The following HHIP variants were observed in gnomAD, a reference collection of about 807,000 sequenced individuals.
The protein encoded by HHIP is hedgehog-interacting protein.
Under a neutral mutation model 74.0 loss-of-function variants are expected in HHIP, and 12 were observed. That is an observed-to-expected ratio of 0.16 (90% CI 0.10 to 0.26). The LOEUF (loss-of-function observed/expected upper bound fraction) is 0.26, where lower values mean the gene tolerates loss of function less well. HHIP is among the 10% of genes least tolerant of loss of function. HHIP has a pLI of 1.00. For synonymous variants in HHIP, 309 were observed against 311.6 expected (o/e 0.99, Z 0.09); for missense variants, 788 against 845.0 (o/e 0.93, Z 0.84).
At chr4:144,673,478 G>T (rs960694353) in intron 4 of HHIP, among the ~76,000 whole-genome samples, 4 of 152,106 alleles carry the variant, frequency 2.6e-5, no homozygotes, top group Non-Finnish European at 5.9e-5. Context: ...TCATGAAAAT[G>T]GTAACCACAA....
In HHIP at chr4:144,646,593, G is replaced by A; in HGVS notation, c.-83G>A. The A allele has an allele frequency of 6.9e-7, 1 of 1,438,882 alleles. No individual in the cohort carries two copies. Among genetic ancestry groups the A allele is most frequent in the Non-Finnish European group, 9.5e-7 (1 of 1,055,846 alleles). 89.1% of individuals were successfully genotyped at this position (1,438,882 alleles called of 1,614,324 possible). On this transcript the variant is annotated 5_prime_UTR_variant, in exon 1 of 13. Coordinates refer to ENST00000296575, the MANE Select transcript of HHIP (RefSeq NM_022475.3). ...CCCTACAGCCCCGCAAACTCCTCCT[G>A]GAGCTGCGCCCTAGTGCCCCTGCTG...
At chr4:144,680,465 G>A (rs1263081514) in intron 4 of HHIP, among the ~76,000 whole-genome samples, 2 of 152,150 alleles carry the variant, frequency 1.3e-5, no homozygotes, top group Non-Finnish European at 2.9e-5. Context: ...CCAGAAGACA[G>A]TTACAAAGCT....
At chr4:144,676,038 C>A (rs77420868) in intron 4 of HHIP, among the ~76,000 whole-genome samples, 4 of 151,980 alleles carry the variant, frequency 2.6e-5, no homozygotes, top group Non-Finnish European at 5.9e-5. Flanking sequence ...CAAGAGTGTA[C>A]GTAAACAAGA....
chr4:144,684,293 T>C (rs149209911), intron 4 of HHIP, among the ~76,000 whole-genome samples: 5 of 111,286 alleles, frequency 4.5e-5, no homozygotes, highest in Admixed American at 1.2e-4. Flanking sequence ...GAGTCTCGCT[T>C]TGTCACCCAG....
At chr4:144,712,775 A>C (rs1022011750) in intron 8 of HHIP, among the ~76,000 whole-genome samples, 2 of 152,118 alleles carry the variant, frequency 1.3e-5, no homozygotes, top group African/African-American at 2.4e-5. Flanking sequence ...TAAGATTATT[A>C]AATTGATTGC....
intron 11 of HHIP, among the ~76,000 whole-genome samples, chr4:144,721,107 CA>C (rs775954289): frequency 6.6e-6 from 1 of 152,002 alleles, no homozygotes; most frequent in Non-Finnish European, 1.5e-5. Flanking sequence ...ATTCTCATAC[CA>C]AAACCCCCAG....
chr4:144,724,908 T>C (rs970710303), intron 11 of HHIP, among the ~76,000 whole-genome samples: 6 of 151,812 alleles, frequency 4.0e-5, no homozygotes, highest in African/African-American at 1.5e-4. Context: ...CTGGCATTCA[T>C]CTAAAAAGCC....
At position 144,652,757 on chromosome 4, in the gene HHIP, T is replaced by C. The variant is rs201124132; in HGVS notation, c.432T>C (p.Tyr144=). 9 of 1,602,704 alleles carry C rather than the reference T, an allele frequency of 5.6e-6. No homozygotes were observed. Among genetic ancestry groups the C allele is most frequent in the Middle Eastern group, 1.7e-4 (1 of 6,058 alleles). ...TACTTCCTCTGCTCTGCAAAGACTATTGCAAAGAATTCTTTTACACTTGCC... is the reference window on the plus strand; with the variant it reads ...TACTTCCTCTGCTCTGCAAAGACTACTGCAAAGAATTCTTTTACACTTGCC... The part of the protein sequence containing the change: ...DLVLPLLCKD[Y]CKEFFYTCRG... The change falls in exon 2 of 13, where the codon TAT becomes TAC. Residue 144 remains tyrosine (Y), a synonymous_variant. Coordinates refer to ENST00000296575, the MANE Select transcript of HHIP (RefSeq NM_022475.3).
intron 4 of HHIP, among the ~76,000 whole-genome samples, chr4:144,681,421 C>CTTTTTTTT (rs139951678): frequency 9.9e-6 from 1 of 101,450 alleles, no homozygotes; most frequent in African/African-American, 3.7e-5. Flanking sequence ...TTGCAGAGTT[C>CTTTTTTTT]TTTTTTTTTT....
At chr4:144,677,965 G>C (rs1459950998) in intron 4 of HHIP, among the ~76,000 whole-genome samples, 1 of 152,162 alleles carries the variant, frequency 6.6e-6, no homozygotes, top group Non-Finnish European at 1.5e-5. Context: ...AGGAAGCCTT[G>C]CTGGAACGCC....
chr4:144,725,981 A>G (rs927942796), intron 11 of HHIP, among the ~76,000 whole-genome samples: 3 of 151,968 alleles, frequency 2.0e-5, no homozygotes, highest in Admixed American at 2.0e-4. Flanking sequence ...TATTTACTCT[A>G]TTTGTTAATA....
At chr4:144,656,972 GCTTGCCT>G (rs551851292) in intron 2 of HHIP, among the ~76,000 whole-genome samples, 17 of 151,778 alleles carry the variant, frequency 1.1e-4, no homozygotes, top group Non-Finnish European at 2.5e-4. Flanking sequence ...CTTCCCAGCT[GCTTGCCT>G]CTTTTTCTCT....
intron 4 of HHIP, among the ~76,000 whole-genome samples, chr4:144,668,456 A>G (rs1728939627): frequency 1.3e-5 from 2 of 151,728 alleles, no homozygotes; most frequent in Admixed American, 1.3e-4. Flanking sequence ...GATCGGGTGC[A>G]AGAATACATA....
intron 6 of HHIP, 108 bp downstream of exon 6, chr4:144,707,368 G>T: frequency 1.2e-6 from 1 of 859,756 alleles, no homozygotes; most frequent in Non-Finnish European, 1.8e-6. Flanking sequence ...TGGTCACCTT[G>T]GTTAAATACT....
chr4:144,735,422 C>T (rs910350672), intron 12 of HHIP, among the ~76,000 whole-genome samples: 1 of 152,082 alleles, frequency 6.6e-6, no homozygotes, highest in African/African-American at 2.4e-5. Context: ...TTTGCCACTC[C>T]CCTGTGAACC....
intron 4 of HHIP, among the ~76,000 whole-genome samples, chr4:144,693,542 T>C (rs1378355110): frequency 6.6e-6 from 1 of 152,076 alleles, no homozygotes; most frequent in African/African-American, 2.4e-5. Flanking sequence ...TCCTCATGTA[T>C]TTAAATAAGG....
intron 10 of HHIP, among the ~76,000 whole-genome samples, chr4:144,715,880 G>A (rs183178907): frequency 4.6e-4 from 69 of 151,486 alleles, no homozygotes; most frequent in African/African-American, 1.6e-3. Context: ...TTTTCTTTTT[G>A]CCCATTGGGG....
chr4:144,687,325 T>C (rs990570450), intron 4 of HHIP, among the ~76,000 whole-genome samples: 20 of 152,198 alleles, frequency 1.3e-4, no homozygotes, highest in African/African-American at 4.3e-4. Context: ...CCACAGATGG[T>C]GCTACTCAGA....
intron 6 of HHIP, 69 bp from the exon 7 acceptor site, chr4:144,708,099 A>C (rs1346882336): frequency 6.6e-7 from 1 of 1,513,140 alleles, no homozygotes; most frequent in African/African-American, 1.4e-5. Flanking sequence ...GAGCAACCTC[A>C]CCATATTTAA....
Sources: allele counts gnomAD v4.1 joint callset (sites outside exome capture counted in the v4.1 genomes callset), GRCh38; gene constraint gnomAD v4.1.1; transcripts MANE v1.5; gene names NCBI Gene and HGNC (gene_info 2026-07-23, HGNC 2026-07-21).